Variants in MAP7 observed in about 807,000 individuals in gnomAD.
MAP7 encodes the protein microtubule associated protein 7.
MAP7 carries 52 observed loss-of-function variants against 94.8 expected under a neutral mutation model. The observed-to-expected ratio is 0.55, with a 90% CI of 0.44 to 0.69. The LOEUF is 0.69. MAP7 is among the 30% of genes least tolerant of loss of function. The pLI, the probability that MAP7 is intolerant of heterozygous loss-of-function variation, is 0.00. For synonymous variants in MAP7, 350 were observed against 357.0 expected, an observed-to-expected ratio of 0.98 and a Z score of 0.22; for missense variants, 940 against 964.6, an observed-to-expected ratio of 0.97 and a Z score of 0.34.
At chr6:136,466,904 T>C in intron 1 of MAP7, 1 of 1,502,632 alleles carries the variant, frequency 6.7e-7, no homozygotes, top group Non-Finnish European at 8.8e-7. Flanking sequence ...TCATGCTAAC[T>C]ATTATCTCTC....
chr6:136,386,409 A>G (rs1162778984), intron 5 of MAP7, among the ~76,000 whole-genome samples: 2 of 152,174 alleles, frequency 1.3e-5, no homozygotes, highest in African/African-American at 4.8e-5. Context: ...CGAATGCAAC[A>G]CTGGTTTCTC....
Position 136,550,289 on chromosome 6 carries a change from C to G in MAP7, c.67+53G>C. The G allele has an allele frequency of 2.8e-6, 4 of 1,414,696 alleles. No individual in the cohort carries two copies. The highest frequency in any genetic ancestry group is 3.7e-6 in the Non-Finnish European group (4 of 1,079,334). 87.6% of individuals were successfully genotyped at this position (1,414,696 alleles called of 1,614,324 possible). A position where few individuals can be genotyped will look rare whatever the true frequency, so the allele number is the denominator to read the frequency against. On this transcript the variant is annotated intron_variant, in intron 1 of 17. Transcript: ENST00000354570. The surrounding 1 kb of genome is among the most constrained non-coding windows in gnomAD (Gnocchi z 5.1). ...GATTTCGGTGCCAGCCCGCCGGCCC[C>G]GCTCGCCGTCCCCTGCCCGACGGGA...
chr6:136,498,807 A>G (rs1819037344), intron 1 of MAP7, among the ~76,000 whole-genome samples: 1 of 151,964 alleles, frequency 6.6e-6, no homozygotes, highest in African/African-American at 2.4e-5. Context: ...AATAATAAAG[A>G]AATTTATAGG....
At chr6:136,431,435 A>AG (rs1794854290) in intron 1 of MAP7, among the ~76,000 whole-genome samples, 1 of 152,220 alleles carries the variant, frequency 6.6e-6, no homozygotes. Context: ...TGCATAGGGA[A>AG]GGGGCTATAT....
At chr6:136,447,240 G>C (rs1799632006) in intron 1 of MAP7, among the ~76,000 whole-genome samples, 1 of 152,170 alleles carries the variant, frequency 6.6e-6, no homozygotes, top group Non-Finnish European at 1.5e-5. Context: ...TTACTTTTCA[G>C]TGTTAGTATT....
intron 1 of MAP7, among the ~76,000 whole-genome samples, chr6:136,456,744 A>AAGGAGGAGGAGGAGGAGGAGGAGG (rs1238757592): frequency 1.6e-4 from 11 of 67,428 alleles, no homozygotes; most frequent in African/African-American, 7.0e-4. Context: ...GGAAGAGGAG[A>AAGGAGGAGGAGGAGGAGGAGGAGG]AGGAGGAGGA....
chr6:136,362,393 A>G lies in MAP7; in HGVS notation c.1526+57T>C. 3 of 1,590,184 alleles carry G rather than the reference A, an allele frequency of 1.9e-6. 1 individual carries two copies. In the South Asian group the frequency reaches 3.4e-5, roughly 18 times the overall value. On this transcript the variant is annotated intron_variant, in intron 11 of 17. Transcript: ENST00000354570. ...TCACCTCCTCCCTCTCAGAGGGGTGATGAGTTAATCCAAAGTATCACTGAC... is the reference window on the plus strand; with the variant it reads ...TCACCTCCTCCCTCTCAGAGGGGTGGTGAGTTAATCCAAAGTATCACTGAC...
chr6:136,393,661 G>A (rs181058913), intron 3 of MAP7, among the ~76,000 whole-genome samples: 2 of 152,038 alleles, frequency 1.3e-5, no homozygotes, highest in Admixed American at 6.6e-5. Context: ...TTAGAGCCAG[G>A]GTCTTGCTCT....
At chr6:136,380,207 T>C (rs1562333261) in intron 6 of MAP7, among the ~76,000 whole-genome samples, 1 of 152,190 alleles carries the variant, frequency 6.6e-6, no homozygotes, top group Non-Finnish European at 1.5e-5. Context: ...CTGGGGGCCA[T>C]GCAAGTTAAC....
At chr6:136,514,237 C>T (rs572731589) in intron 1 of MAP7, among the ~76,000 whole-genome samples, 19 of 152,250 alleles carry the variant, frequency 1.2e-4, no homozygotes, top group African/African-American at 4.1e-4. Context: ...AAAATTATTC[C>T]TTGATCCATG....
At chr6:136,386,356 T>G (rs1313506044) in intron 5 of MAP7, among the ~76,000 whole-genome samples, 2 of 152,214 alleles carry the variant, frequency 1.3e-5, no homozygotes, top group Non-Finnish European at 2.9e-5. Context: ...CAATTTATTA[T>G]AATTCACAAC....
At chr6:136,451,640 CCT>C (rs1801152860) in intron 1 of MAP7, among the ~76,000 whole-genome samples, 2 of 152,052 alleles carry the variant, frequency 1.3e-5, no homozygotes, top group South Asian at 4.1e-4. Context: ...TAGTGATTCC[CCT>C]GATGGAGCCG....
At chr6:136,397,801 G>C (rs1207508296) in intron 3 of MAP7, among the ~76,000 whole-genome samples, 1 of 152,108 alleles carries the variant, frequency 6.6e-6, no homozygotes, top group Non-Finnish European at 1.5e-5. Flanking sequence ...ATCCCTAGTA[G>C]ATGAATACAA....
intron 6 of MAP7, among the ~76,000 whole-genome samples, chr6:136,378,430 A>G (rs1776849653): frequency 6.6e-6 from 1 of 152,228 alleles, no homozygotes; most frequent in Non-Finnish European, 1.5e-5. Flanking sequence ...ATATAATAAA[A>G]TGAAAGAAGA....
chr6:136,414,650 T>A (rs1788760880), intron 2 of MAP7, among the ~76,000 whole-genome samples: 1 of 146,956 alleles, frequency 6.8e-6, no homozygotes, highest in African/African-American at 2.5e-5. Context: ...CATGAAAAAC[T>A]TTTTTTTTTT....
At chr6:136,421,951 CCT>C (rs767972303) in intron 1 of MAP7, 152 bp from the exon 2 acceptor site, 27 of 602,670 alleles carry the variant, frequency 4.5e-5, no homozygotes, top group Non-Finnish European at 7.1e-5. Context: ...CAACCTGTGC[CCT>C]CAAGGAGTAG....
intron 1 of MAP7, among the ~76,000 whole-genome samples, chr6:136,482,893 T>C (rs938147007): frequency 1.3e-5 from 2 of 152,104 alleles, no homozygotes; most frequent in Admixed American, 6.6e-5. Flanking sequence ...CTAAAAAAAA[T>C]ATATATTCCA....
chr6:136,414,315 A>G (rs1431748809), intron 2 of MAP7, among the ~76,000 whole-genome samples: 4 of 148,554 alleles, frequency 2.7e-5, no homozygotes, highest in Non-Finnish European at 5.9e-5. Flanking sequence ...ATAGCCCACA[A>G]TGATAAATAT....
intron 1 of MAP7, among the ~76,000 whole-genome samples, chr6:136,438,420 C>G (rs777256810): frequency 3.3e-5 from 5 of 152,164 alleles, no homozygotes; most frequent in Non-Finnish European, 7.4e-5. Context: ...ATGCTCATTC[C>G]TGAGAAAGGG....
Sources: allele counts gnomAD v4.1 joint callset (sites outside exome capture counted in the v4.1 genomes callset), GRCh38; gene constraint gnomAD v4.1.1; non-coding constraint Gnocchi (gnomAD v3.1); transcripts MANE v1.5; gene names NCBI Gene and HGNC (gene_info 2026-07-23, HGNC 2026-07-21).